The following PTPN13 variants were observed in gnomAD, a reference collection of about 807,000 sequenced individuals.
PTPN13 encodes protein tyrosine phosphatase non-receptor type 13, also known as tyrosine-protein phosphatase non-receptor type 13.
Under a neutral mutation model 284.0 loss-of-function variants are expected in PTPN13, and 191 were observed. That is an observed-to-expected ratio of 0.67 (90% CI 0.60 to 0.76). The LOEUF is 0.76. Ranked by LOEUF, PTPN13 falls within the 30% of genes least tolerant of loss-of-function variation. PTPN13 has a pLI of 0.00. For missense variants in PTPN13, 2,797 were observed against 2,939.9 expected, an observed-to-expected ratio of 0.95 and a Z score of 1.12; for synonymous variants, 986 against 1,022.3, an observed-to-expected ratio of 0.96 and a Z score of 0.68.
At chr4:86,714,821 A>G (rs1732831147) in intron 7 of PTPN13, among the ~76,000 whole-genome samples, 1 of 152,214 alleles carries the variant, frequency 6.6e-6, no homozygotes, top group African/African-American at 2.4e-5. Flanking sequence ...CATCTAAAAA[A>G]GACAACATTC....
chr4:86,599,742 G>A (rs1284085154), intron 1 of PTPN13, among the ~76,000 whole-genome samples: 1 of 151,974 alleles, frequency 6.6e-6, no homozygotes, highest in Non-Finnish European at 1.5e-5. Flanking sequence ...TTTAAAGTCA[G>A]GAGAAATACC....
At chr4:86,674,022 T>C (rs1728007184) in intron 3 of PTPN13, among the ~76,000 whole-genome samples, 1 of 152,124 alleles carries the variant, frequency 6.6e-6, no homozygotes, top group South Asian at 2.1e-4. Context: ...GTTTTAATAC[T>C]CTGTGGAAAA....
At chr4:86,783,245 T>A (rs140324145) in intron 37 of PTPN13, among the ~76,000 whole-genome samples, 1 of 152,272 alleles carries the variant, frequency 6.6e-6, no homozygotes, top group African/African-American at 2.4e-5. Flanking sequence ...TAGTAATGAT[T>A]GAGACACAAA....
rs544971012 is a variant in PTPN13, at chr4:86,613,633, C to CAAAAAAAAAAAAAAAAAAA, written c.-6+18862_-6+18863insAAAAAAAAAAAAAAAAAAA. Among the ~76,000 whole-genome samples, 518 of 61,372 alleles carry CAAAAAAAAAAAAAAAAAAA rather than the reference C, an allele frequency of 8.4e-3. 15 individuals carry two copies. Among genetic ancestry groups the CAAAAAAAAAAAAAAAAAAA allele is most frequent in the Non-Finnish European group, 0.011 (302 of 27,770 alleles). The allele number at this position is 61,372 out of a possible 152,430, so 40.3% of individuals were successfully genotyped here. On this transcript the variant is annotated intron_variant, in intron 1 of 47. Coordinates refer to ENST00000411767, the MANE Select transcript of PTPN13 (RefSeq NM_080683.3). ...TGGGCGACAAGGTGAGACTCCGTCT[C>CAAAAAAAAAAAAAAAAAAA]AAAAAAAAAAAAAAAAAAGAGTTTG...
chr4:86,662,538 G>T (rs1052797452), intron 2 of PTPN13, among the ~76,000 whole-genome samples: 1 of 152,072 alleles, frequency 6.6e-6, no homozygotes, highest in Non-Finnish European at 1.5e-5. Context: ...TGCCATGCTG[G>T]CCAGGATGGT....
intron 17 of PTPN13, among the ~76,000 whole-genome samples, chr4:86,746,232 G>C (rs961395449): frequency 2.6e-5 from 4 of 152,156 alleles, no homozygotes; most frequent in African/African-American, 9.7e-5. Flanking sequence ...ATTTCAGAGA[G>C]ATAAAACTGA....
chr4:86,736,129 C>G (rs528987108), intron 15 of PTPN13, among the ~76,000 whole-genome samples: 56 of 152,168 alleles, frequency 3.7e-4, no homozygotes, highest in African/African-American at 1.3e-3. Context: ...TTTGCTTTTT[C>G]TCAAAAGGCT....
At position 86,805,244 on chromosome 4, in the gene PTPN13, A is replaced by G. The variant is rs761982655; in HGVS notation, c.6655-35A>G. Reference sequence around the variant, plus strand: ...TGAAGTTATTACTGAATTACTGCTTATCTCAACAAATTTATTTCCATGTTT... The same window carrying G: ...TGAAGTTATTACTGAATTACTGCTTGTCTCAACAAATTTATTTCCATGTTT... On this transcript the variant is annotated intron_variant, in intron 43 of 47. Coordinates refer to ENST00000411767, the MANE Select transcript of PTPN13 (RefSeq NM_080683.3). 4.3e-6 allele frequency: 6 copies of G among 1,401,654 alleles called. No individual in the cohort carries two copies. The African/African-American group carries it at 5.8e-5, about 13-fold the overall frequency. 86.8% of individuals were successfully genotyped at this position (1,401,654 alleles called of 1,614,324 possible). A position where few individuals can be genotyped will look rare whatever the true frequency, so the allele number is the denominator to read the frequency against.
chr4:86,615,894 A>G (rs1312561603), intron 1 of PTPN13, among the ~76,000 whole-genome samples: 8 of 152,212 alleles, frequency 5.3e-5, no homozygotes, highest in Non-Finnish European at 2.9e-5. Context: ...TTTCTAAGTC[A>G]TAGGCTCAAA....
intron 1 of PTPN13, among the ~76,000 whole-genome samples, chr4:86,624,609 C>T (rs372964780): frequency 1.3e-5 from 2 of 152,132 alleles, no homozygotes; most frequent in East Asian, 1.9e-4. Context: ...ATTGACTGCT[C>T]ATCTTAGAAT....
rs963494046 is a variant in PTPN13, at chr4:86,696,456, C to T, written c.634+2782C>T. Reference sequence around the variant, plus strand: ...TGTATGCAAAAGAAAAATAAAACATCTTGCCTCATATTATTGGACCATTTT... The same window carrying T: ...TGTATGCAAAAGAAAAATAAAACATTTTGCCTCATATTATTGGACCATTTT... On this transcript the variant is annotated intron_variant, in intron 6 of 47. Transcript: ENST00000411767. 5.1e-4 allele frequency among the ~76,000 whole-genome samples: 77 copies of T among 151,844 alleles called. 2 individuals are homozygous for T. The highest frequency in any genetic ancestry group is 4.3e-3 in the Admixed American group (66 of 15,240).
intron 26 of PTPN13, 142 bp downstream of exon 26, chr4:86,765,630 C>T (rs2149257452): frequency 1.7e-6 from 1 of 573,428 alleles, no homozygotes; most frequent in African/African-American, 1.9e-5. Context: ...CATTAAGAAA[C>T]TCTTTGATGC....
chr4:86,701,175 G>A lies in PTPN13; in HGVS notation c.635-66G>A, dbSNP rs550957274. 26 of 1,243,592 alleles carry A rather than the reference G, an allele frequency of 2.1e-5. No individual in the cohort carries two copies. In the African/African-American group the frequency reaches 3.5e-4, roughly 17 times the overall value. 77.0% of individuals were successfully genotyped at this position (1,243,592 alleles called of 1,614,324 possible). ...ATTGCCACCACTTTCATTGTCAATA[G>A]TGGATTACATTTCCATTTATTTTCT... On this transcript the variant is annotated intron_variant, in intron 6 of 47. Transcript: ENST00000411767.
intron 5 of PTPN13, 60 bp from the exon 6 acceptor site, chr4:86,693,527 A>G: frequency 9.0e-7 from 1 of 1,111,108 alleles, no homozygotes; most frequent in African/African-American, 1.6e-5. Context: ...GTAAACAGTT[A>G]CCATGAAAAC....
chr4:86,782,807 G>A (rs1741472931), intron 37 of PTPN13, among the ~76,000 whole-genome samples: 1 of 152,112 alleles, frequency 6.6e-6, no homozygotes, highest in Admixed American at 6.5e-5. Flanking sequence ...AGAAATCTAG[G>A]GGTGACTAAA....
chr4:86,607,670 G>A (rs369055032), intron 1 of PTPN13, among the ~76,000 whole-genome samples: 17 of 152,078 alleles, frequency 1.1e-4, no homozygotes, highest in East Asian at 7.7e-4. Context: ...CAGTATTAAG[G>A]TGGGGCAAAA....
rs142122233 is a variant in PTPN13 at position 86,777,696 on chromosome 4, G to C, written c.5891+2044G>C. Among the ~76,000 whole-genome samples the C allele has an allele frequency of 1.7e-3, 265 of 152,188 alleles. 2 individuals carry two copies. The highest frequency in any genetic ancestry group is 6.2e-3 in the African/African-American group (257 of 41,514). ...TTGTTTGTGAATTATTTCTTTTAAA[G>C]TATGGGAACTTGTTGATCAAATCAT... On this transcript the variant is annotated intron_variant, in intron 35 of 47. Coordinates refer to ENST00000411767, the MANE Select transcript of PTPN13 (RefSeq NM_080683.3).
At chr4:86,701,214 A>C (rs1385297193) in intron 6 of PTPN13, 27 bp from the exon 7 acceptor site, 3 of 1,474,438 alleles carry the variant, frequency 2.0e-6, no homozygotes, top group Middle Eastern at 2.0e-4. Context: ...AATTGTGTGC[A>C]TACATGATAG....
intron 30 of PTPN13, 75 bp from the exon 31 acceptor site, chr4:86,771,096 A>G (rs1273861461): frequency 1.4e-6 from 2 of 1,441,876 alleles, no homozygotes; most frequent in African/African-American, 1.4e-5. Flanking sequence ...AAAGTTGTTC[A>G]ATGGTTTATT....
Sources: gnomAD v4.1 joint callset for allele counts (sites outside exome capture counted in the v4.1 genomes callset) on GRCh38, gnomAD v4.1.1 for gene constraint, MANE v1.5 for transcripts, NCBI Gene and HGNC (gene_info 2026-07-23, HGNC 2026-07-21) for gene names.